Variants in ENOX1 observed in about 807,000 individuals in gnomAD.
The protein encoded by ENOX1 is ecto-NOX disulfide-thiol exchanger 1.
In ENOX1, 42 loss-of-function variants were observed where a neutral mutation model predicts 82.5. The ratio of observed to expected loss-of-function variants is 0.51; its 90% confidence interval spans 0.40 to 0.66. ENOX1 has a LOEUF of 0.66. Among genes scored for constraint, ENOX1 ranks in the 30% least tolerant of loss-of-function variants. ENOX1 has a pLI of 0.00. For missense variants in ENOX1, 608 were observed against 811.6 expected (o/e 0.75, Z 3.05); for synonymous variants, 271 against 282.2 (o/e 0.96, Z 0.40).
rs1342842256 is a variant in ENOX1, at chr13:43,569,622, A to C, written c.-218-85470T>G. Among the ~76,000 whole-genome samples the C allele has an allele frequency of 2.6e-5, 4 of 151,894 alleles. No individual in the cohort carries two copies. In the East Asian group the frequency reaches 7.7e-4, roughly 29 times the overall value. On this transcript the variant is annotated intron_variant, in intron 2 of 16. Transcript: ENST00000690772. ...TTGAGACGACAACTCATCCTTTATT[A>C]GAATCTTTTCCTTAGAATATAAAGG...
intron 1 of ENOX1, among the ~76,000 whole-genome samples, chr13:43,686,886 C>G (rs1368756886): frequency 6.6e-6 from 1 of 152,154 alleles, no homozygotes; most frequent in Non-Finnish European, 1.5e-5. Context: ...AGCATACTCT[C>G]TCCATCACAG....
chr13:43,756,257 T>C (rs1346127136), intron 1 of ENOX1, among the ~76,000 whole-genome samples: 1 of 151,780 alleles, frequency 6.6e-6, no homozygotes, highest in Middle Eastern at 3.2e-3. Context: ...CAAAACCCCA[T>C]CTCTACATGA....
chr13:43,678,873 C>A (rs1198864998), intron 1 of ENOX1, among the ~76,000 whole-genome samples: 2 of 152,174 alleles, frequency 1.3e-5, no homozygotes, highest in East Asian at 3.9e-4. Context: ...ATATAAAACC[C>A]TGTTGTAAAG....
rs763300319 is a variant in ENOX1 at position 43,316,096 on chromosome 13, C to T, written c.1261+6288G>A. Among the ~76,000 whole-genome samples, 5 of 152,290 alleles carry T rather than the reference C, an allele frequency of 3.3e-5. 1 individual carries two copies. The Middle Eastern group carries it at 0.017, about 518-fold the overall frequency. ...TCTCCTCCTCTCCCTGCCAACTGCC[C>T]ATCAGCTCAAGCCCTCCACCAGGCT... On this transcript the variant is annotated intron_variant, in intron 11 of 16. Coordinates refer to ENST00000690772, the MANE Select transcript of ENOX1 (RefSeq NM_001347969.2).
chr13:43,392,296 T>G (rs1425187964), intron 5 of ENOX1, among the ~76,000 whole-genome samples: 1 of 152,220 alleles, frequency 6.6e-6, no homozygotes, highest in African/African-American at 2.4e-5. Flanking sequence ...ATGAGCTCCA[T>G]GACAGCAGGA....
intron 14 of ENOX1, among the ~76,000 whole-genome samples, chr13:43,245,852 G>A (rs548207374): frequency 3.7e-4 from 57 of 152,296 alleles, no homozygotes; most frequent in African/African-American, 1.3e-3. Flanking sequence ...ACCTTATTGG[G>A]GTTCAATTGC....
At chr13:43,408,588 G>A (rs1417006252) in intron 5 of ENOX1, among the ~76,000 whole-genome samples, 23 of 152,192 alleles carry the variant, frequency 1.5e-4, no homozygotes, top group Admixed American at 1.5e-3. Context: ...CATGACACCT[G>A]AGCAAGCAGT....
intron 8 of ENOX1, among the ~76,000 whole-genome samples, chr13:43,353,713 C>T (rs1024212005): frequency 1.3e-5 from 2 of 152,168 alleles, no homozygotes; most frequent in Non-Finnish European, 2.9e-5. Flanking sequence ...CTGACTCTTG[C>T]CTAAGATGTA....
At chr13:43,551,950 G>C (rs1409185772) in intron 2 of ENOX1, among the ~76,000 whole-genome samples, 1 of 152,086 alleles carries the variant, frequency 6.6e-6, no homozygotes, top group African/African-American at 2.4e-5. Flanking sequence ...TTTATGAGGA[G>C]CTGGGTTTCG....
intron 16 of ENOX1, among the ~76,000 whole-genome samples, chr13:43,216,691 G>T (rs61950454): frequency 3.5e-4 from 53 of 152,296 alleles, no homozygotes; most frequent in Non-Finnish European, 6.9e-4. Context: ...CACACAGGCC[G>T]AGGTGCCTGC....
chr13:43,781,775 T>A (rs1182669114), intron 1 of ENOX1, among the ~76,000 whole-genome samples: 1 of 152,166 alleles, frequency 6.6e-6, no homozygotes, highest in African/African-American at 2.4e-5. Flanking sequence ...CCTCTCAAAG[T>A]GCTGGGATTA....
chr13:43,286,516 A>C (rs74584110), intron 12 of ENOX1, among the ~76,000 whole-genome samples: 1 of 152,318 alleles, frequency 6.6e-6, no homozygotes, highest in African/African-American at 2.4e-5. Context: ...GGAAAGCAGC[A>C]AAAAGCAGAA....
intron 14 of ENOX1, among the ~76,000 whole-genome samples, chr13:43,256,704 T>G (rs940978783): frequency 6.6e-6 from 1 of 152,194 alleles, no homozygotes; most frequent in Non-Finnish European, 1.5e-5. Flanking sequence ...CCTAGCACGC[T>G]GTTAGTGGGA....
intron 14 of ENOX1, among the ~76,000 whole-genome samples, chr13:43,256,259 G>A (rs527835155): frequency 6.6e-6 from 1 of 152,150 alleles, no homozygotes; most frequent in South Asian, 2.1e-4. Context: ...ATTTTTTGAG[G>A]AAAACCTCAA....
intron 2 of ENOX1, among the ~76,000 whole-genome samples, chr13:43,511,065 C>T (rs777287669): frequency 1.1e-4 from 16 of 152,106 alleles, no homozygotes; most frequent in Non-Finnish European, 2.2e-4. Context: ...ATGAACTATT[C>T]TTCTACATAT....
At chr13:43,511,878 G>C (rs183569268) in intron 2 of ENOX1, among the ~76,000 whole-genome samples, 2 of 151,988 alleles carry the variant, frequency 1.3e-5, no homozygotes, top group Non-Finnish European at 2.9e-5. Flanking sequence ...TTCCACAGGC[G>C]ATCATGCAAA....
intron 2 of ENOX1, among the ~76,000 whole-genome samples, chr13:43,660,431 C>A (rs1314896425): frequency 6.6e-6 from 1 of 152,168 alleles, no homozygotes; most frequent in East Asian, 1.9e-4. Context: ...GGGGATTACT[C>A]TTTTTTGTTC....
At position 43,470,341 on chromosome 13, in the gene ENOX1, CGT is replaced by C. The variant is rs376270620; in HGVS notation, c.-75+13666_-75+13667del. ...ACACATATATATATGTATATATATA[CGT>C]ATATATATATGTATATATATACGTA... On this transcript the variant is annotated intron_variant, in intron 3 of 16. Coordinates refer to ENST00000690772, the MANE Select transcript of ENOX1 (RefSeq NM_001347969.2). 7.7e-3 allele frequency among the ~76,000 whole-genome samples: 62 copies of C among 8,042 alleles called. 9 individuals carry two copies. The South Asian group carries it at 0.096, about 12-fold the overall frequency. The allele number at this position is 8,042 out of a possible 152,430, so 5.3% of individuals were successfully genotyped here. A position where few individuals can be genotyped will look rare whatever the true frequency, so the allele number is the denominator to read the frequency against.
intron 2 of ENOX1, among the ~76,000 whole-genome samples, chr13:43,555,025 A>G (rs1490307449): frequency 1.3e-5 from 2 of 152,218 alleles, no homozygotes; most frequent in East Asian, 3.8e-4. Flanking sequence ...AAAATAACAA[A>G]GTGATTCTTG....
Sources: gnomAD v4.1 joint callset for allele counts (sites outside exome capture counted in the v4.1 genomes callset) on GRCh38, gnomAD v4.1.1 for gene constraint, MANE v1.5 for transcripts, NCBI Gene and HGNC (gene_info 2026-07-23, HGNC 2026-07-21) for gene names.